The following GTF2H3 variants were observed in gnomAD, a reference collection of about 807,000 sequenced individuals.
GTF2H3 encodes general transcription factor IIH subunit 3.
A neutral mutation model predicts 51.1 loss-of-function variants in GTF2H3; 42 were observed. That is an observed-to-expected ratio of 0.82 (90% CI 0.64 to 1.06). The LOEUF (loss-of-function observed/expected upper bound fraction) is 1.06, where lower values mean the gene tolerates loss of function less well. Among genes scored for constraint, GTF2H3 ranks in the 50% least tolerant of loss-of-function variants. GTF2H3 has a pLI of 0.00. For synonymous variants in GTF2H3, 123 were observed against 123.8 expected (o/e 0.99, Z 0.04); for missense variants, 326 against 366.1 (o/e 0.89, Z 0.89).
intron 1 of GTF2H3, among the ~76,000 whole-genome samples, chr12:123,636,980 G>A (rs1425059465): frequency 6.6e-6 from 1 of 152,158 alleles, no homozygotes; most frequent in African/African-American, 2.4e-5. Context: ...AGCTGTGTGG[G>A]AGACTGAGAC....
chr12:123,655,652 G>T (rs1593812471), intron 8 of GTF2H3, 119 bp from the exon 9 acceptor site: 1 of 659,476 alleles, frequency 1.5e-6, no homozygotes, highest in East Asian at 2.7e-5. Context: ...GCCGTGCAGA[G>T]TCACGTTGCA....
Position 123,659,501 on chromosome 12 carries a change from G to T in GTF2H3, c.616-15G>T. 1 of 1,613,746 alleles carries T rather than the reference G, an allele frequency of 6.2e-7. No individual in the cohort carries two copies. On this transcript the variant is annotated splice_polypyrimidine_tract_variant and intron_variant, in intron 9 of 12. Coordinates refer to ENST00000543341, the MANE Select transcript of GTF2H3 (RefSeq NM_001516.5). ...GTAAGTGCGAGTTTGGCAGCAAGCCGCCTGTGTCTTGCAGGCTTGTGACAT... is the reference window on the plus strand; with the variant it reads ...GTAAGTGCGAGTTTGGCAGCAAGCCTCCTGTGTCTTGCAGGCTTGTGACAT...
At chr12:123,637,192 G>A (rs1188868210) in intron 1 of GTF2H3, among the ~76,000 whole-genome samples, 1 of 152,110 alleles carries the variant, frequency 6.6e-6, no homozygotes, top group Non-Finnish European at 1.5e-5. Context: ...GTCTCTTTGA[G>A]GGGTTGGACC....
chr12:123,645,498 A>G lies in GTF2H3; in HGVS notation c.137A>G (p.Asn46Ser). ...KCIDAVMVLG[N>S]SHLFMNRSNK... is the part of the protein sequence containing the mutation. ...ATAGATGCCGTGATGGTGCTGGGAA[A>G]TTCGCATTTATTCATGAATCGTTCC... The change falls in exon 3 of 13, where the codon AAT (asparagine) becomes AGT (serine). Residue 46 changes from asparagine to serine, a missense_variant. Asn to Ser is a conservative substitution (Grantham distance 46, BLOSUM62 1). Transcript: ENST00000543341. 6.2e-7 allele frequency: 1 copy of G among 1,610,338 alleles called. No individual in the cohort carries two copies. The highest frequency in any genetic ancestry group is 8.5e-7 in the Non-Finnish European group (1 of 1,176,628).
chr12:123,651,627 G>C (rs1955521882), intron 5 of GTF2H3, among the ~76,000 whole-genome samples: 1 of 151,946 alleles, frequency 6.6e-6, no homozygotes. Context: ...AGACCATCCT[G>C]GCTGACACAG....
At chr12:123,637,755 A>G (rs1378823332) in intron 1 of GTF2H3, among the ~76,000 whole-genome samples, 4 of 151,308 alleles carry the variant, frequency 2.6e-5, no homozygotes, top group Non-Finnish European at 5.9e-5. Context: ...TGCCCACCTC[A>G]GCCTCCCAAA....
intron 2 of GTF2H3, among the ~76,000 whole-genome samples, chr12:123,645,077 TTTTG>T (rs1955428204): frequency 1.3e-5 from 2 of 152,208 alleles, no homozygotes; most frequent in African/African-American, 2.4e-5. Flanking sequence ...GAAGTCTTTT[TTTTG>T]TTTGTTTGTT....
Position 123,643,147 on chromosome 12 carries a change from G to A in GTF2H3, c.94-2308G>A, listed in dbSNP as rs868241564. The stretch of plus-strand genomic sequence containing the variant: ...CCCGCCTTGGCCTCCCAAAGTGCTG[G>A]GATTACAGGTGTGAGCTACTACGCC... On this transcript the variant is annotated intron_variant, in intron 2 of 12. Transcript: ENST00000543341. Among the ~76,000 whole-genome samples, 92 of 152,120 alleles carry A rather than the reference G, an allele frequency of 6.0e-4. 1 individual carries two copies. The highest frequency in any genetic ancestry group is 2.1e-3 in the African/African-American group (89 of 41,410).
intron 9 of GTF2H3, among the ~76,000 whole-genome samples, chr12:123,658,758 G>A (rs879396615): frequency 2.6e-5 from 4 of 152,076 alleles, no homozygotes; most frequent in Non-Finnish European, 4.4e-5. Context: ...GCTTCCAAGG[G>A]CACTATCAAG....
rs1367898654 is a variant in GTF2H3, at chr12:123,661,270, A to G, written c.*1035A>G. 3 of 152,228 alleles carry G rather than the reference A, an allele frequency of 2.0e-5. No individual in the cohort carries two copies. Among genetic ancestry groups the G allele is most frequent in the East Asian group, 1.9e-4 (1 of 5,198 alleles). The allele number at this position is 152,228 out of a possible 1,614,324, so 9.4% of individuals were successfully genotyped here. A position where few individuals can be genotyped will look rare whatever the true frequency, so the allele number is the denominator to read the frequency against. ...TCTTTATGTAATCTTGAAATTATTAAAAGTCCTTTTAGCTTCTAGCACATA... is the reference window on the plus strand; with the variant it reads ...TCTTTATGTAATCTTGAAATTATTAGAAGTCCTTTTAGCTTCTAGCACATA... On this transcript the variant is annotated 3_prime_UTR_variant, in exon 13 of 13. Coordinates refer to ENST00000543341, the MANE Select transcript of GTF2H3 (RefSeq NM_001516.5).
intron 3 of GTF2H3, among the ~76,000 whole-genome samples, chr12:123,646,577 C>T (rs1307093549): frequency 1.3e-5 from 2 of 152,090 alleles, no homozygotes; most frequent in Admixed American, 6.6e-5. Context: ...ATGTCTTAAT[C>T]ACCACATTAC....
intron 7 of GTF2H3, 81 bp from the exon 8 acceptor site, chr12:123,654,843 T>G (rs1415510271): frequency 4.5e-6 from 4 of 881,358 alleles, no homozygotes; most frequent in Non-Finnish European, 7.7e-6. Context: ...ATGTTGGTTG[T>G]GGTTCGCAGT....
intron 2 of GTF2H3, among the ~76,000 whole-genome samples, chr12:123,641,369 G>A (rs1955368947): frequency 1.3e-5 from 2 of 151,904 alleles, no homozygotes; most frequent in African/African-American, 4.8e-5. Flanking sequence ...GGGACCACAG[G>A]CGTGTACCAC....
At position 123,660,316 on chromosome 12, in the gene GTF2H3, T is replaced by C; in HGVS notation, c.*81T>C. On this transcript the variant is annotated 3_prime_UTR_variant, in exon 13 of 13. Coordinates refer to ENST00000543341, the MANE Select transcript of GTF2H3 (RefSeq NM_001516.5). Reference sequence around the variant, plus strand: ...TCTTTGTTGGGAAGACTGAAAAAAATAAAGATAGGTATAGGATAATTTTTA... The same window carrying C: ...TCTTTGTTGGGAAGACTGAAAAAAACAAAGATAGGTATAGGATAATTTTTA... The C allele has an allele frequency of 2.0e-6, 2 of 980,040 alleles. No homozygotes were observed. Among genetic ancestry groups the C allele is most frequent in the East Asian group, 2.4e-5 (1 of 41,264 alleles). The allele number at this position is 980,040 out of a possible 1,614,324, so 60.7% of individuals were successfully genotyped here.
chr12:123,647,349 G>T (rs1955462155), intron 3 of GTF2H3, among the ~76,000 whole-genome samples: 1 of 151,712 alleles, frequency 6.6e-6, no homozygotes, highest in South Asian at 2.1e-4. Context: ...GTACACTCCT[G>T]TAATTCCAGC....
chr12:123,645,447 TCCAACAG>T lies in GTF2H3; in HGVS notation c.94-7_94-1del. The T allele has an allele frequency of 1.4e-6, 2 of 1,460,128 alleles. No individual in the cohort carries two copies. Among genetic ancestry groups the T allele is most frequent in the Admixed American group, 1.7e-5 (1 of 58,752 alleles). 90.4% of individuals were successfully genotyped at this position (1,460,128 alleles called of 1,614,324 possible). On this transcript the variant is annotated splice_acceptor_variant and splice_polypyrimidine_tract_variant and intron_variant, in intron 2 of 12. Transcript: ENST00000543341. LOFTEE classifies it high-confidence loss of function. ...TTTGTTTTTCTAATGTCTTTTTTTT[TCCAACAG>T]TTCACTTTATCCAAATGCATAGATG...
rs780029936 is a variant in GTF2H3 at position 123,659,773 on chromosome 12, CTT to C, written c.685-19_685-18del. 10 of 1,602,028 alleles carry C rather than the reference CTT, an allele frequency of 6.2e-6. No homozygotes were observed. Among genetic ancestry groups the C allele is most frequent in the Non-Finnish European group, 8.5e-6 (10 of 1,175,928 alleles). ...TTTCCCATGTTTTAAATAAAAGTTT[CTT>C]TTGTTTGTTTGTTTTACAGTGGGTG... On this transcript the variant is annotated intron_variant, in intron 10 of 12. Transcript: ENST00000543341.
rs139466666 is a variant in GTF2H3, at chr12:123,655,285, T to C, written c.561+287T>C. ...TGGACCCCATGCCAAGAATCCCTGG[T>C]TTGACAGTTTGCTGTATAAACCTTG... On this transcript the variant is annotated intron_variant, in intron 8 of 12. Transcript: ENST00000543341. 1.4e-3 allele frequency among the ~76,000 whole-genome samples: 213 copies of C among 152,308 alleles called. 1 individual carries two copies. Among genetic ancestry groups the C allele is most frequent in the Non-Finnish European group, 2.7e-3 (181 of 68,030 alleles).
At position 123,654,995 on chromosome 12, in the gene GTF2H3, A is replaced by G. The variant is rs113094401; in HGVS notation, c.558A>G (p.Lys186=). 1 of 1,609,564 alleles carries G rather than the reference A, an allele frequency of 6.2e-7. No homozygotes were observed. Among genetic ancestry groups the G allele is most frequent in the Non-Finnish European group, 8.5e-7 (1 of 1,175,818 alleles). ...NFMNVIFAAQ[K]QNILIDACVL... ...TGAATGTCATCTTTGCAGCACAGAA[A>G]CAGGTGAACTGAGAGCCTGCCGTTT... is the stretch of plus-strand genomic sequence containing the variant. The change falls in exon 8 of 13, where the codon AAA becomes AAG. Residue 186 remains lysine (K), a synonymous_variant. Coordinates refer to ENST00000543341, the MANE Select transcript of GTF2H3 (RefSeq NM_001516.5).
Sources: allele counts gnomAD v4.1 joint callset (sites outside exome capture counted in the v4.1 genomes callset), GRCh38; gene constraint gnomAD v4.1.1; transcripts MANE v1.5; gene names NCBI Gene and HGNC (gene_info 2026-07-23, HGNC 2026-07-21).